MEIS3: variants seen among roughly 807,000 people sequenced by gnomAD.
The protein encoded by MEIS3 is homeobox protein Meis3.
In MEIS3, 38 loss-of-function variants were observed where a neutral mutation model predicts 51.4. The observed-to-expected ratio is 0.74, with a 90% CI of 0.57 to 0.97. The LOEUF is 0.97. Ranked by LOEUF, MEIS3 falls within the 50% of genes least tolerant of loss-of-function variation. MEIS3 has a pLI of 0.00. For synonymous variants in MEIS3, 198 were observed against 201.8 expected, an observed-to-expected ratio of 0.98 and a Z score of 0.16; for missense variants, 456 against 502.6, an observed-to-expected ratio of 0.91 and a Z score of 0.89.
At chr19:47,414,068 G>A (rs1399623056) in intron 6 of MEIS3, among the ~76,000 whole-genome samples, 3 of 152,118 alleles carry the variant, frequency 2.0e-5, no homozygotes, top group Admixed American at 6.6e-5. Context: ...ATCTGAGCCT[G>A]TGAGTCTATT....
rs1025749264 is a variant in MEIS3, at chr19:47,412,836, G to A, written c.597+1881C>T. On this transcript the variant is annotated intron_variant, in intron 6 of 12. Coordinates refer to ENST00000558555, the MANE Select transcript of MEIS3 (RefSeq NM_001301059.2). ...GCCCACCTCAGCCTCCCAAAGTGCT[G>A]GGATTACAGTCGTGAGCCACTGCAC... is the stretch of plus-strand genomic sequence containing the variant. 7.2e-5 allele frequency among the ~76,000 whole-genome samples: 11 copies of A among 151,936 alleles called. 1 individual carries two copies. The South Asian group carries it at 1.7e-3, about 23-fold the overall frequency.
chr19:47,412,152 A>C (rs1373100903), intron 6 of MEIS3: 1 of 152,024 alleles, frequency 6.6e-6, no homozygotes, highest in Admixed American at 6.6e-5. Context: ...TTCTTTATGC[A>C]AACTCCAACA....
chr19:47,406,203 T>C (rs1454375731), intron 12 of MEIS3: 11 of 382,136 alleles, frequency 2.9e-5, no homozygotes, highest in Admixed American at 8.6e-5. Flanking sequence ...GAATGAGTAA[T>C]TGAGTAACGG....
intron 1 of MEIS3, chr19:47,417,922 CCCACACACACATG>C: frequency 5.2e-6 from 3 of 577,192 alleles, no homozygotes; most frequent in African/African-American, 3.9e-5. Context: ...AATCCCCCCC[CCCACACACACATG>C]CACACACACA....
chr19:47,417,465 A>G, intron 1 of MEIS3, 115 bp from the exon 2 acceptor site: 1 of 1,301,710 alleles, frequency 7.7e-7, no homozygotes, highest in East Asian at 2.5e-5. Context: ...GTGTCCCAGA[A>G]ACCTGCCTGT....
chr19:47,416,807 C>G lies in MEIS3; in HGVS notation c.342G>C (p.Lys114Asn). The part of the protein sequence containing the change: ...SFNEDIAAFA[K>N]QVRSERPLFS... ...GTGGTGGGTGGGAGGTGCCCACCTG[C>G]TTGGCAAAGGCAGCGATGTCCTCGT... The change falls in exon 3 of 13, where the codon AAG becomes AAC. Residue 114 changes from lysine (K) to asparagine (N), a missense_variant. By Grantham distance (94) the Lys-to-Asn change is moderately conservative (BLOSUM62 0). Transcript: ENST00000558555. 6.2e-7 allele frequency: 1 copy of G among 1,613,508 alleles called. No individual in the cohort carries two copies. Among genetic ancestry groups the G allele is most frequent in the Non-Finnish European group, 8.5e-7 (1 of 1,179,790 alleles).
intron 4 of MEIS3, chr19:47,416,372 G>A (rs986488814): frequency 9.4e-6 from 4 of 424,596 alleles, no homozygotes; most frequent in African/African-American, 8.2e-5. Context: ...ATTACTACCA[G>A]CCACACTTCA....
chr19:47,412,482 G>A (rs1405865063), intron 6 of MEIS3: 1 of 152,174 alleles, frequency 6.6e-6, no homozygotes, highest in Non-Finnish European at 1.5e-5. Flanking sequence ...CCGCCTCCCG[G>A]GTTCAAGTGA....
At chr19:47,421,746 C>CT (rs11323618), upstream of MEIS3, among the ~76,000 whole-genome samples, 851 of 143,786 alleles carry the variant, frequency 5.9e-3, 10 homozygotes, top group African/African-American at 0.015. Context: ...TGTCTCCTGG[C>CT]TTTTTTTTTT....
intron 1 of MEIS3, chr19:47,417,683 A>T (rs1218158941): frequency 1.4e-6 from 1 of 702,656 alleles, no homozygotes; most frequent in East Asian, 2.7e-5. Context: ...AGAGAGACAG[A>T]CAGAGAGGGA....
intron 8 of MEIS3, 190 bp from the exon 9 acceptor site, chr19:47,407,618 A>G (rs1184490714): frequency 1.5e-6 from 2 of 1,375,182 alleles, no homozygotes; most frequent in East Asian, 2.7e-5. Context: ...GGGCAATTAC[A>G]TGCCTGCCAG....
chr19:47,406,454 TCAC>T lies in MEIS3; in HGVS notation c.*17+3_*17+5del. On this transcript the variant is annotated splice_donor_5th_base_variant and intron_variant, in intron 12 of 12. Transcript: ENST00000558555. ...TGCACAATCCCCAGCCCTTAGACCC[TCAC>T]ACCTCTCCTGCATCAGCCTCTATAG... 1.2e-6 allele frequency: 2 copies of T among 1,612,262 alleles called. No homozygotes were observed. The highest frequency in any genetic ancestry group is 1.7e-6 in the Non-Finnish European group (2 of 1,178,884).
intron 6 of MEIS3, among the ~76,000 whole-genome samples, chr19:47,410,043 A>G (rs892600340): frequency 2.6e-5 from 4 of 151,952 alleles, no homozygotes; most frequent in African/African-American, 7.3e-5. Context: ...ACGGTGGCTC[A>G]CGCCTGTAAT....
chr19:47,417,774 T>C (rs1407382947), intron 1 of MEIS3: 1 of 638,204 alleles, frequency 1.6e-6, no homozygotes, highest in South Asian at 1.8e-5. Context: ...TTCTATTTCA[T>C]TTCACAGTTG....
intron 2 of MEIS3, 47 bp downstream of exon 2, chr19:47,417,131 A>T: frequency 6.5e-7 from 1 of 1,539,000 alleles, no homozygotes; most frequent in Non-Finnish European, 8.7e-7. Context: ...AAAGAAGCAG[A>T]AAGACAGAGA....
chr19:47,420,940 A>ACACACACT (rs1187725467), upstream of MEIS3, among the ~76,000 whole-genome samples: 521 of 90,822 alleles, frequency 5.7e-3, 3 homozygotes, highest in Middle Eastern at 7.1e-3. Flanking sequence ...ACACACACAC[A>ACACACACT]CTCTCTCTCT....
Position 47,417,163 on chromosome 19 carries a change from C to G in MEIS3, c.185+15G>C, listed in dbSNP as rs1370503307. 2.0e-6 allele frequency: 3 copies of G among 1,534,628 alleles called. No homozygotes were observed. Among genetic ancestry groups the G allele is most frequent in the Non-Finnish European group, 2.6e-6 (3 of 1,146,126 alleles). On this transcript the variant is annotated intron_variant, in intron 2 of 12. Transcript: ENST00000558555. ...GAGAGAGAGAGACAGGAGCCTGAGA[C>G]CCGGCCCCACTCACCCATAGATCTC...
chr19:47,420,212 A>C (rs533908165), upstream of MEIS3, among the ~76,000 whole-genome samples: 1 of 152,228 alleles, frequency 6.6e-6, no homozygotes, highest in South Asian at 2.1e-4. Context: ...AATTAATTTA[A>C]ATCACTTTTT....
chr19:47,407,746 C>A (rs1970921020), intron 8 of MEIS3: 1 of 490,550 alleles, frequency 2.0e-6, no homozygotes, highest in Non-Finnish European at 3.6e-6. Context: ...GGGAGGGAAG[C>A]AAAGCCCAGG....
Sources: gnomAD v4.1 joint callset for allele counts (sites outside exome capture counted in the v4.1 genomes callset) on GRCh38, gnomAD v4.1.1 for gene constraint, MANE v1.5 for transcripts, NCBI Gene and HGNC (gene_info 2026-07-23, HGNC 2026-07-21) for gene names.